The following TBC1D4 variants were observed in gnomAD, a reference collection of about 807,000 sequenced individuals.
The protein encoded by TBC1D4 is TBC1 domain family member 4.
A neutral mutation model predicts 142.5 loss-of-function variants in TBC1D4; 121 were observed. The ratio of observed to expected loss-of-function variants is 0.85; its 90% CI spans 0.73 to 0.99. TBC1D4 has a LOEUF of 0.99. TBC1D4 is among the 50% of genes least tolerant of loss of function. The pLI is 0.00. For missense variants in TBC1D4, 1,475 were observed against 1,606.6 expected (o/e 0.92, Z 1.40); for synonymous variants, 630 against 628.2 (o/e 1.00, Z -0.04).
At chr13:75,344,577 T>C (rs974851291) in intron 5 of TBC1D4, among the ~76,000 whole-genome samples, 1 of 152,142 alleles carries the variant, frequency 6.6e-6, no homozygotes, top group Non-Finnish European at 1.5e-5. Context: ...ATCTCGGTGA[T>C]ACTCAGCATC....
intron 18 of TBC1D4, 134 bp from the exon 19 acceptor site, chr13:75,292,405 CT>C (rs571103637): frequency 4.3e-5 from 30 of 693,838 alleles, no homozygotes; most frequent in African/African-American, 9.1e-5. Context: ...AAGCATCTAG[CT>C]TTTTTTTAAA....
At chr13:75,355,572 G>A (rs1881975433) in intron 4 of TBC1D4, among the ~76,000 whole-genome samples, 1 of 152,150 alleles carries the variant, frequency 6.6e-6, no homozygotes, top group South Asian at 2.1e-4. Context: ...AGCAATGAAG[G>A]GGGGACATAA....
intron 1 of TBC1D4, among the ~76,000 whole-genome samples, chr13:75,442,012 G>A (rs1019201254): frequency 6.6e-6 from 1 of 152,184 alleles, no homozygotes; most frequent in Non-Finnish European, 1.5e-5. Flanking sequence ...TAATTAAAAT[G>A]AGTAGTCATA....
chr13:75,466,592 G>T (rs1282902172), intron 1 of TBC1D4, among the ~76,000 whole-genome samples: 1 of 152,052 alleles, frequency 6.6e-6, no homozygotes, highest in East Asian at 1.9e-4. Context: ...ATCATCTGAT[G>T]GCCAGCATGG....
chr13:75,306,805 T>C (rs1877234723), intron 14 of TBC1D4, among the ~76,000 whole-genome samples: 1 of 152,198 alleles, frequency 6.6e-6, no homozygotes, highest in Non-Finnish European at 1.5e-5. Flanking sequence ...ATTTTATATG[T>C]GCCATACATG....
intron 1 of TBC1D4, among the ~76,000 whole-genome samples, chr13:75,411,007 G>A (rs1304557331): frequency 3.6e-5 from 5 of 139,024 alleles, no homozygotes; most frequent in African/African-American, 1.4e-4. Flanking sequence ...AATATAAAAT[G>A]TAAGACATTT....
chr13:75,295,203 C>G (rs1369935163), intron 17 of TBC1D4, among the ~76,000 whole-genome samples, 190 bp from the exon 18 acceptor site: 1 of 152,118 alleles, frequency 6.6e-6, no homozygotes, highest in African/African-American at 2.4e-5. Context: ...AAGCAAGTCA[C>G]TGAAAGTCTA....
At chr13:75,447,702 T>A (rs1292228367) in intron 1 of TBC1D4, among the ~76,000 whole-genome samples, 1 of 152,148 alleles carries the variant, frequency 6.6e-6, no homozygotes, top group Non-Finnish European at 1.5e-5. Flanking sequence ...TTTATCTGTA[T>A]GTACAGCCAC....
At chr13:75,370,964 G>C (rs1883192420) in intron 1 of TBC1D4, among the ~76,000 whole-genome samples, 1 of 152,190 alleles carries the variant, frequency 6.6e-6, no homozygotes, top group Non-Finnish European at 1.5e-5. Context: ...TGAAGCCACA[G>C]TGCTTACAGT....
intron 1 of TBC1D4, among the ~76,000 whole-genome samples, chr13:75,436,796 T>G (rs1360349507): frequency 1.3e-5 from 2 of 152,140 alleles, no homozygotes; most frequent in East Asian, 3.8e-4. Flanking sequence ...AATTGACAAG[T>G]AAAAAAATTT....
rs1888427632 is a variant in TBC1D4, at chr13:75,472,068, CTG to C, written c.498+9200_498+9201del. 2.1e-5 allele frequency among the ~76,000 whole-genome samples: 3 copies of C among 141,188 alleles called. No individual in the cohort carries two copies. The South Asian group carries it at 6.5e-4, about 31-fold the overall frequency. 92.6% of individuals were successfully genotyped at this position (141,188 alleles called of 152,430 possible). On this transcript the variant is annotated intron_variant, in intron 1 of 20. Coordinates refer to ENST00000377636, the MANE Select transcript of TBC1D4 (RefSeq NM_014832.5). ...GTTGCAGTGAGCAAAGATTGTGCCA[CTG>C]TACTCCAGCCTGGGCAACAGAGCCA...
chr13:75,481,951 C>G lies in TBC1D4; in HGVS notation c.-184G>C. 1 of 878,018 alleles carries G rather than the reference C, an allele frequency of 1.1e-6. No homozygotes were observed. The highest frequency in any genetic ancestry group is 1.5e-6 in the Non-Finnish European group (1 of 662,410). 54.4% of individuals were successfully genotyped at this position (878,018 alleles called of 1,614,324 possible). On this transcript the variant is annotated 5_prime_UTR_variant, in exon 1 of 21. Transcript: ENST00000377636. ...GCCCCATGCAGCACTTCCACGGGCG[C>G]GGCTCGGAGGCTCCGGCGGCGGGCA... is the stretch of plus-strand genomic sequence containing the variant.
At chr13:75,348,996 T>TGTGTGC (rs1881384516) in intron 5 of TBC1D4, among the ~76,000 whole-genome samples, 174 bp downstream of exon 5, 1 of 139,656 alleles carries the variant, frequency 7.2e-6, no homozygotes, top group Admixed American at 7.3e-5. Context: ...TGTGTGTGTG[T>TGTGTGC]CAAGCACCTA....
At chr13:75,372,142 G>T (rs1883256100) in intron 1 of TBC1D4, among the ~76,000 whole-genome samples, 1 of 152,090 alleles carries the variant, frequency 6.6e-6, no homozygotes, top group African/African-American at 2.4e-5. Flanking sequence ...TTATTTTCGA[G>T]ATCCATGTTT....
At chr13:75,390,587 T>C (rs1884420864) in intron 1 of TBC1D4, among the ~76,000 whole-genome samples, 2 of 151,940 alleles carry the variant, frequency 1.3e-5, no homozygotes, top group African/African-American at 2.4e-5. Context: ...AACACAAAGA[T>C]GAAAGGGAAC....
intron 1 of TBC1D4, among the ~76,000 whole-genome samples, chr13:75,474,696 G>A (rs922091339): frequency 3.7e-5 from 2 of 54,704 alleles, no homozygotes; most frequent in African/African-American, 7.0e-5. Context: ...AAGTGCAGTG[G>A]TACGATCCAG....
intron 1 of TBC1D4, among the ~76,000 whole-genome samples, chr13:75,405,066 A>T (rs1688074689): frequency 6.6e-6 from 1 of 152,174 alleles, no homozygotes; most frequent in Admixed American, 6.5e-5. Context: ...TGTATGGGTC[A>T]TTATGTATGT....
chr13:75,421,307 T>TAA, intron 1 of TBC1D4, among the ~76,000 whole-genome samples: 1 of 152,154 alleles, frequency 6.6e-6, no homozygotes, highest in Non-Finnish European at 1.5e-5. Flanking sequence ...GAACTTGGCT[T>TAA]CAGCCTCTCC....
At chr13:75,342,962 A>C (rs527832800) in intron 5 of TBC1D4, among the ~76,000 whole-genome samples, 1 of 152,262 alleles carries the variant, frequency 6.6e-6, no homozygotes, top group South Asian at 2.1e-4. Context: ...GTTATGACAT[A>C]ATTTGAATGT....
Sources: allele counts gnomAD v4.1 joint callset (sites outside exome capture counted in the v4.1 genomes callset), GRCh38; gene constraint gnomAD v4.1.1; transcripts MANE v1.5; gene names NCBI Gene and HGNC (gene_info 2026-07-23, HGNC 2026-07-21).